The following SH3BGR variants were observed in gnomAD, a reference collection of about 807,000 sequenced individuals.
The protein encoded by SH3BGR is SH3 domain binding glutamate rich protein, also known as SH3 domain-binding glutamic acid-rich protein.
In SH3BGR, 29 loss-of-function variants were observed where a neutral mutation model predicts 24.5. That is an observed-to-expected ratio of 1.18 (90% CI 0.88 to 1.61). The LOEUF is 1.61. Ranked by LOEUF, SH3BGR falls within the 40% of genes most tolerant of loss-of-function variation. The probability of loss-of-function intolerance (pLI) is 0.00; values close to 1 mark genes in which losing one functional copy is unlikely to be tolerated. For missense variants in SH3BGR, 162 were observed against 205.8 expected (o/e 0.79, Z 1.30); for synonymous variants, 55 against 65.7 (o/e 0.84, Z 0.79).
intron 3 of SH3BGR, among the ~76,000 whole-genome samples, chr21:39,484,292 C>T (rs1044865645): frequency 2.0e-5 from 3 of 152,104 alleles, no homozygotes; most frequent in African/African-American, 4.8e-5. Flanking sequence ...GCTCATAACT[C>T]GTAGTAGGTG....
In SH3BGR at chr21:39,494,985, A is replaced by G. The variant is rs151281681; in HGVS notation, c.313-4838A>G. ...TATTTGTCATTTTCATTCTGCATCC[A>G]GTCTAGTAATTTTTTTATTTCATAT... On this transcript the variant is annotated intron_variant, in intron 3 of 6. Transcript: ENST00000333634. Among the ~76,000 whole-genome samples the G allele has an allele frequency of 1.4e-3, 206 of 152,042 alleles. 2 individuals are homozygous for G. Among genetic ancestry groups the G allele is most frequent in the African/African-American group, 4.5e-3 (187 of 41,466 alleles).
chr21:39,446,673 C>T (rs1401336843), intron 1 of SH3BGR, among the ~76,000 whole-genome samples: 8 of 152,154 alleles, frequency 5.3e-5, no homozygotes, highest in Non-Finnish European at 1.2e-4. Flanking sequence ...TCTTGAGTGC[C>T]ATTTGTCCTT....
chr21:39,471,158 C>T (rs532005426), intron 2 of SH3BGR, among the ~76,000 whole-genome samples: 5 of 148,564 alleles, frequency 3.4e-5, no homozygotes, highest in African/African-American at 1.2e-4. Flanking sequence ...CTTCCCCTCT[C>T]TCTGGTTGCT....
chr21:39,452,975 G>T (rs2077598873), intron 1 of SH3BGR, among the ~76,000 whole-genome samples: 1 of 152,184 alleles, frequency 6.6e-6, no homozygotes, highest in Non-Finnish European at 1.5e-5. Context: ...GCTGTGGAGA[G>T]AAAAAACAGT....
chr21:39,475,033 G>A, intron 2 of SH3BGR, 102 bp from the exon 3 acceptor site: 1 of 674,968 alleles, frequency 1.5e-6, no homozygotes, highest in South Asian at 2.0e-5. Context: ...TTTTGTGTGA[G>A]CTCCTAACTT....
intron 2 of SH3BGR, among the ~76,000 whole-genome samples, chr21:39,469,150 G>A (rs1158710057): frequency 1.3e-5 from 2 of 151,832 alleles, no homozygotes; most frequent in Non-Finnish European, 2.9e-5. Flanking sequence ...AAAGTAAGAG[G>A]AAGGTACAGA....
chr21:39,484,733 C>A (rs2078182303), intron 3 of SH3BGR, among the ~76,000 whole-genome samples: 1 of 152,174 alleles, frequency 6.6e-6, no homozygotes, highest in Admixed American at 6.5e-5. Flanking sequence ...TACAAAGAAC[C>A]CCGCTAATTA....
intron 1 of SH3BGR, 116 bp downstream of exon 1, chr21:39,452,257 C>T: frequency 8.3e-7 from 1 of 1,200,986 alleles, no homozygotes; most frequent in Non-Finnish European, 1.2e-6. Context: ...TGTGGCTCTG[C>T]AATAAGTATG....
chr21:39,504,203 C>G (rs1174704415), intron 4 of SH3BGR, among the ~76,000 whole-genome samples: 1 of 152,154 alleles, frequency 6.6e-6, no homozygotes, highest in African/African-American at 2.4e-5. Context: ...GGTCTGTAAC[C>G]ACCCCTCTCT....
At chr21:39,470,484 A>T (rs909800273) in intron 2 of SH3BGR, among the ~76,000 whole-genome samples, 1 of 151,368 alleles carries the variant, frequency 6.6e-6, no homozygotes, top group South Asian at 2.1e-4. Flanking sequence ...CTGGTCTTGA[A>T]CTCCTGAACT....
At chr21:39,502,179 A>T in intron 4 of SH3BGR, among the ~76,000 whole-genome samples, 1 of 152,210 alleles carries the variant, frequency 6.6e-6, no homozygotes. Context: ...TCAAAAAAAA[A>T]TTGCTGAAAT....
chr21:39,476,712 C>G lies in SH3BGR; in HGVS notation c.312+1497C>G, dbSNP rs533880391. 3.9e-5 allele frequency among the ~76,000 whole-genome samples: 6 copies of G among 152,242 alleles called. No homozygotes were observed. The South Asian group carries it at 1.2e-3, about 32-fold the overall frequency. The stretch of plus-strand genomic sequence containing the variant: ...TCTCTGTCTTTCAGTAGACATCTCC[C>G]GTATTCCTACTACTTCTCAATCCCC... On this transcript the variant is annotated intron_variant, in intron 3 of 6. Transcript: ENST00000333634.
At chr21:39,475,498 A>C (rs1434844194) in intron 3 of SH3BGR, among the ~76,000 whole-genome samples, 1 of 152,220 alleles carries the variant, frequency 6.6e-6, no homozygotes, top group African/African-American at 2.4e-5. Flanking sequence ...TCTTAAGTGC[A>C]TTCATTAAAT....
Position 39,508,987 on chromosome 21 carries a change from A to T in SH3BGR, c.406-11A>T. 2.5e-6 allele frequency: 4 copies of T among 1,602,550 alleles called. No homozygotes were observed. Among genetic ancestry groups the T allele is most frequent in the Non-Finnish European group, 3.4e-6 (4 of 1,172,810 alleles). On this transcript the variant is annotated splice_polypyrimidine_tract_variant and intron_variant, in intron 4 of 6. Coordinates refer to ENST00000333634, the MANE Select transcript of SH3BGR (RefSeq NM_007341.3). ...ATGTTTTTTTCTTTAATTTTGATTT[A>T]TGGATGTAAGGAAGAAGAAGGAGAG...
At chr21:39,494,438 G>C (rs1169232040) in intron 3 of SH3BGR, among the ~76,000 whole-genome samples, 2 of 151,882 alleles carry the variant, frequency 1.3e-5, no homozygotes, top group Non-Finnish European at 2.9e-5. Flanking sequence ...TCTTTTATCT[G>C]AAGTGTCTTT....
chr21:39,506,573 G>A (rs2078586861), intron 4 of SH3BGR, among the ~76,000 whole-genome samples: 1 of 152,230 alleles, frequency 6.6e-6, no homozygotes, highest in Non-Finnish European at 1.5e-5. Flanking sequence ...GCAAAGCCAT[G>A]TCTTACATGG....
intron 2 of SH3BGR, among the ~76,000 whole-genome samples, chr21:39,474,156 CAG>C (rs1252951789): frequency 6.6e-6 from 1 of 152,010 alleles, no homozygotes; most frequent in Non-Finnish European, 1.5e-5. Flanking sequence ...TTTGTAGAGA[CAG>C]GGTCTCACCA....
chr21:39,475,178 AT>A lies in SH3BGR; in HGVS notation c.277del (p.Ser93ProfsTer57). On this transcript the variant is annotated frameshift_variant, in exon 3 of 7. Transcript: ENST00000333634. LOFTEE classifies it high-confidence loss of function. The part of the protein sequence containing the change: ...FFSAKEENII[Y>X]SFLGLAPPPD... ...TCTGCAAAAGAAGAGAATATTATTT[AT>A]TCCTTCCTTGGTTTGGCTCCTCCTC... 1 of 1,612,614 alleles carries A rather than the reference AT, an allele frequency of 6.2e-7. No individual in the cohort carries two copies. Among genetic ancestry groups the A allele is most frequent in the Non-Finnish European group, 8.5e-7 (1 of 1,178,868 alleles).
At chr21:39,469,838 T>C (rs2077907328) in intron 2 of SH3BGR, among the ~76,000 whole-genome samples, 1 of 151,918 alleles carries the variant, frequency 6.6e-6, no homozygotes, top group Non-Finnish European at 1.5e-5. Flanking sequence ...GTATTTTTAG[T>C]AGAGACAGGG....
Sources: allele counts gnomAD v4.1 joint callset (sites outside exome capture counted in the v4.1 genomes callset), GRCh38; gene constraint gnomAD v4.1.1; transcripts MANE v1.5; gene names NCBI Gene and HGNC (gene_info 2026-07-23, HGNC 2026-07-21).